The following RPIA variants were observed in gnomAD, a reference collection of about 807,000 sequenced individuals.
The protein encoded by RPIA is ribose-5-phosphate isomerase.
Under a neutral mutation model 37.8 loss-of-function variants are expected in RPIA, and 29 were observed. The observed-to-expected ratio is 0.77, with a 90% CI of 0.57 to 1.05. RPIA has a LOEUF of 1.05. Ranked by LOEUF, RPIA falls within the 50% of genes least tolerant of loss-of-function variation. The probability of loss-of-function intolerance (pLI) is 0.00; values close to 1 mark genes in which losing one functional copy is unlikely to be tolerated. For missense variants in RPIA, 385 were observed against 413.6 expected, an observed-to-expected ratio of 0.93 and a Z score of 0.60; for synonymous variants, 167 against 157.0, an observed-to-expected ratio of 1.06 and a Z score of -0.48.
At chr2:88,743,103 C>G (rs769384613) in intron 8 of RPIA, among the ~76,000 whole-genome samples, 2 of 152,050 alleles carry the variant, frequency 1.3e-5, no homozygotes, top group Non-Finnish European at 2.9e-5. Flanking sequence ...ACGGGGTATC[C>G]TTGTCTTGTT....
intron 3 of RPIA, among the ~76,000 whole-genome samples, chr2:88,721,243 A>T (rs562498420): frequency 4.6e-5 from 7 of 152,242 alleles, no homozygotes; most frequent in Non-Finnish European, 8.8e-5. Flanking sequence ...GAGGAATAGC[A>T]TTAGGAGAAA....
chr2:88,721,448 T>C lies in RPIA; in HGVS notation c.403-7830T>C, dbSNP rs546979028. 2.0e-5 allele frequency among the ~76,000 whole-genome samples: 3 copies of C among 148,078 alleles called. No individual in the cohort carries two copies. In the Admixed American group the frequency reaches 2.0e-4, roughly 10 times the overall value. ...ATATAATCATATTTAATATAATTAG[T>C]ATAATATAAAATACAACATATTAGT... On this transcript the variant is annotated intron_variant, in intron 3 of 8. Coordinates refer to ENST00000283646, the MANE Select transcript of RPIA (RefSeq NM_144563.3).
intron 3 of RPIA, among the ~76,000 whole-genome samples, chr2:88,725,283 G>A: frequency 6.6e-6 from 1 of 152,170 alleles, no homozygotes. Flanking sequence ...TGCTGTTTGT[G>A]GAACTCCATG....
intron 3 of RPIA, among the ~76,000 whole-genome samples, chr2:88,712,962 G>A (rs995538033): frequency 9.9e-5 from 15 of 151,450 alleles, no homozygotes; most frequent in African/African-American, 2.2e-4. Context: ...TCCGCCTCCC[G>A]TGTTCAAGTG....
chr2:88,711,852 T>C (rs548824828), intron 3 of RPIA, among the ~76,000 whole-genome samples: 1 of 152,362 alleles, frequency 6.6e-6, no homozygotes, highest in East Asian at 1.9e-4. Context: ...TCTTAAGATC[T>C]GTTTTAGCTG....
chr2:88,745,620 C>T (rs1673430286), intron 8 of RPIA, among the ~76,000 whole-genome samples: 1 of 152,004 alleles, frequency 6.6e-6, no homozygotes, highest in Non-Finnish European at 1.5e-5. Context: ...TCCCTTCTGG[C>T]TTGTAGGGCT....
intron 3 of RPIA, among the ~76,000 whole-genome samples, chr2:88,715,303 G>T (rs1358041225): frequency 1.3e-5 from 2 of 152,232 alleles, no homozygotes; most frequent in Non-Finnish European, 2.9e-5. Flanking sequence ...TTCCTCTTCG[G>T]GGGGAAGGGA....
At chr2:88,706,458 A>G (rs1464040808) in intron 3 of RPIA, among the ~76,000 whole-genome samples, 2 of 152,016 alleles carry the variant, frequency 1.3e-5, no homozygotes, top group Non-Finnish European at 2.9e-5. Context: ...CAGGAACGGA[A>G]AACCAAACAT....
At chr2:88,733,977 T>C (rs1673283379) in intron 4 of RPIA, among the ~76,000 whole-genome samples, 1 of 152,162 alleles carries the variant, frequency 6.6e-6, no homozygotes, top group Non-Finnish European at 1.5e-5. Flanking sequence ...CCCCAGTAAT[T>C]TCCAGTTCGG....
At chr2:88,726,218 G>A (rs1673195686) in intron 3 of RPIA, among the ~76,000 whole-genome samples, 1 of 152,124 alleles carries the variant, frequency 6.6e-6, no homozygotes, top group African/African-American at 2.4e-5. Flanking sequence ...TACTGGGGTG[G>A]GCGGCTGGTG....
chr2:88,739,077 G>C (rs1461353059), intron 8 of RPIA, among the ~76,000 whole-genome samples: 1 of 152,188 alleles, frequency 6.6e-6, no homozygotes, highest in African/African-American at 2.4e-5. Flanking sequence ...TGAGGCTGGA[G>C]TCCTGGTTGA....
At chr2:88,722,516 A>G (rs964248657) in intron 3 of RPIA, among the ~76,000 whole-genome samples, 1 of 152,242 alleles carries the variant, frequency 6.6e-6, no homozygotes, top group Admixed American at 6.5e-5. Context: ...TGAAGAAGAT[A>G]GGACCTAACG....
intron 8 of RPIA, among the ~76,000 whole-genome samples, chr2:88,741,174 A>G (rs932278636): frequency 6.6e-5 from 10 of 152,130 alleles, no homozygotes; most frequent in Non-Finnish European, 1.2e-4. Context: ...AGCAGCGTAC[A>G]CTGTACCCAA....
At chr2:88,713,926 A>G (rs1259748177) in intron 3 of RPIA, among the ~76,000 whole-genome samples, 1 of 135,206 alleles carries the variant, frequency 7.4e-6, no homozygotes, top group Non-Finnish European at 1.6e-5. Context: ...TTTTTTTTTC[A>G]ATTTCTTCAC....
intron 1 of RPIA, 53 bp from the exon 2 acceptor site, chr2:88,698,431 G>T: frequency 4.8e-6 from 7 of 1,470,810 alleles, no homozygotes; most frequent in Non-Finnish European, 5.7e-6. Context: ...GCTGACAAAG[G>T]AGTAAAATAT....
intron 8 of RPIA, among the ~76,000 whole-genome samples, chr2:88,738,637 TCTA>T (rs1425694266): frequency 6.6e-5 from 10 of 152,206 alleles, no homozygotes; most frequent in Non-Finnish European, 1.3e-4. Flanking sequence ...TGTGCTCAAT[TCTA>T]CTAGAGGAAT....
intron 3 of RPIA, among the ~76,000 whole-genome samples, chr2:88,727,156 G>C (rs992411625): frequency 1.2e-4 from 19 of 152,226 alleles, no homozygotes; most frequent in African/African-American, 3.9e-4. Context: ...ATGCCAGTCT[G>C]CAGCCTTACC....
At chr2:88,699,919 C>T (rs770226115) in intron 2 of RPIA, 90 bp from the exon 3 acceptor site, 2 of 1,365,420 alleles carry the variant, frequency 1.5e-6, no homozygotes, top group South Asian at 1.2e-5. Flanking sequence ...ATAGACCTTC[C>T]CTTGTCTGTT....
chr2:88,700,169 G>A, intron 3 of RPIA, 105 bp downstream of exon 3: 2 of 1,043,134 alleles, frequency 1.9e-6, no homozygotes, highest in Non-Finnish European at 3.0e-6. Flanking sequence ...GTTGTTCTAG[G>A]TCAGAGAGTC....
Sources: allele counts gnomAD v4.1 joint callset (sites outside exome capture counted in the v4.1 genomes callset), GRCh38; gene constraint gnomAD v4.1.1; transcripts MANE v1.5; gene names NCBI Gene and HGNC (gene_info 2026-07-23, HGNC 2026-07-21).